The following DNAH5 variants were observed in gnomAD, a reference collection of about 807,000 sequenced individuals.
DNAH5 encodes axonemal beta dynein heavy chain 5.
A neutral mutation model predicts 518.2 loss-of-function variants in DNAH5; 372 were observed. That is an observed-to-expected ratio of 0.72 (90% CI 0.66 to 0.78). The LOEUF (loss-of-function observed/expected upper bound fraction) is 0.78, where lower values mean the gene tolerates loss of function less well. Ranked by LOEUF, DNAH5 falls within the 30% of genes least tolerant of loss-of-function variation. The pLI is 0.00. For synonymous variants in DNAH5, 2,039 were observed against 2,025.9 expected (o/e 1.01, Z -0.17); for missense variants, 5,523 against 5,687.0 (o/e 0.97, Z 0.93).
intron 24 of DNAH5, among the ~76,000 whole-genome samples, chr5:13,869,904 G>A (rs559167411): frequency 2.0e-5 from 3 of 152,126 alleles, no homozygotes; most frequent in Admixed American, 2.0e-4. Context: ...TCCTTAGAAA[G>A]AGATGATGTT....
intron 47 of DNAH5, 65 bp downstream of exon 47, chr5:13,807,526 G>C: frequency 6.7e-7 from 1 of 1,493,644 alleles, no homozygotes; most frequent in Non-Finnish European, 9.3e-7. Context: ...CAGAATAGTA[G>C]AGATTTGAGC....
chr5:13,810,813 A>C (rs1170539868), intron 44 of DNAH5, among the ~76,000 whole-genome samples: 2 of 152,098 alleles, frequency 1.3e-5, no homozygotes, highest in Non-Finnish European at 2.9e-5. Context: ...CACCACAGTC[A>C]AGACTTGGAG....
At chr5:13,877,571 G>C (rs548356485) in intron 21 of DNAH5, among the ~76,000 whole-genome samples, 2 of 152,324 alleles carry the variant, frequency 1.3e-5, no homozygotes, top group East Asian at 3.9e-4. Context: ...CTGAGAGAAA[G>C]TCAGAGACCA....
Position 13,889,508 on chromosome 5 carries a change from G to A in DNAH5, c.2577+1468C>T, listed in dbSNP as rs189542475. 4.1e-3 allele frequency among the ~76,000 whole-genome samples: 608 copies of A among 147,774 alleles called. 3 individuals are homozygous for A. Among genetic ancestry groups the A allele is most frequent in the Non-Finnish European group, 4.8e-3 (329 of 68,002 alleles). ...CTTGGGAGGTGGTCCCTTGGCCGGC[G>A]TCTGGAAGCTTGGATTTTAGGAGGG... On this transcript the variant is annotated intron_variant, in intron 17 of 78. Coordinates refer to ENST00000265104, the MANE Select transcript of DNAH5 (RefSeq NM_001369.3).
At chr5:13,757,991 A>G (rs1043889829) in intron 61 of DNAH5, among the ~76,000 whole-genome samples, 1 of 152,072 alleles carries the variant, frequency 6.6e-6, no homozygotes, top group Non-Finnish European at 1.5e-5. Flanking sequence ...GAATCTAGCT[A>G]TTATTTACCA....
At chr5:13,847,604 T>C (rs1342161464) in intron 31 of DNAH5, among the ~76,000 whole-genome samples, 2 of 151,624 alleles carry the variant, frequency 1.3e-5, no homozygotes, top group African/African-American at 4.8e-5. Flanking sequence ...TGCCCCTGTA[T>C]TCCCAGCTAC....
chr5:13,750,922 T>C (rs902536597), intron 65 of DNAH5, among the ~76,000 whole-genome samples, 156 bp downstream of exon 65: 3 of 152,048 alleles, frequency 2.0e-5, no homozygotes, highest in African/African-American at 4.8e-5. Context: ...TAATTTCCTT[T>C]AGGAAAAAAA....
intron 47 of DNAH5, among the ~76,000 whole-genome samples, chr5:13,806,619 C>A (rs2126990300): frequency 6.6e-6 from 1 of 152,264 alleles, no homozygotes; most frequent in South Asian, 2.1e-4. Context: ...TGACATGTAT[C>A]TTCTGGTGAT....
At chr5:13,892,294 T>C (rs1049243641) in intron 16 of DNAH5, among the ~76,000 whole-genome samples, 4 of 152,178 alleles carry the variant, frequency 2.6e-5, no homozygotes, top group African/African-American at 4.8e-5. Flanking sequence ...CTGAAAAAAA[T>C]AGTCCCCAAG....
intron 71 of DNAH5, 119 bp downstream of exon 71, chr5:13,720,881 G>T: frequency 2.9e-6 from 4 of 1,376,008 alleles, no homozygotes; most frequent in Admixed American, 2.1e-5. Context: ...ACGCTGTTTA[G>T]TAAACAGCAG....
chr5:13,927,178 T>G lies in DNAH5; in HGVS notation c.277+916A>C, dbSNP rs1037258848. Among the ~76,000 whole-genome samples, 4 of 152,310 alleles carry G rather than the reference T, an allele frequency of 2.6e-5. No homozygotes were observed. In the East Asian group the frequency reaches 5.8e-4, roughly 22 times the overall value. On this transcript the variant is annotated intron_variant, in intron 3 of 78. Transcript: ENST00000265104. ...ATCCACTTAAAAGTAGAATAGACTA[T>G]GCCAGTTGAATCTATAGAAAGATTT...
chr5:13,698,185 T>C (rs549673203), intron 78 of DNAH5, among the ~76,000 whole-genome samples: 1 of 152,302 alleles, frequency 6.6e-6, no homozygotes, highest in East Asian at 1.9e-4. Context: ...CCCTTGGACT[T>C]CCCAGCCTCC....
Position 13,790,140 on chromosome 5 carries a change from G to C in DNAH5, c.8449-1226C>G, listed in dbSNP as rs566648421. The stretch of plus-strand genomic sequence containing the variant: ...TTCAAGCATTGTGGAATGCACTATG[G>C]TGATTCCTCAAAGAGCTAAAAGCAG... On this transcript the variant is annotated intron_variant, in intron 50 of 78. Transcript: ENST00000265104. 2.6e-5 allele frequency among the ~76,000 whole-genome samples: 4 copies of C among 152,312 alleles called. No individual in the cohort carries two copies. In the East Asian group the frequency reaches 7.7e-4, roughly 29 times the overall value.
intron 1 of DNAH5, among the ~76,000 whole-genome samples, chr5:13,935,937 C>A (rs571303729): frequency 6.6e-6 from 1 of 152,166 alleles, no homozygotes; most frequent in Non-Finnish European, 1.5e-5. Flanking sequence ...GAAAAAGCAC[C>A]AGTGAATAGG....
At chr5:13,705,031 A>G (rs1742595501) in intron 76 of DNAH5, among the ~76,000 whole-genome samples, 1 of 151,262 alleles carries the variant, frequency 6.6e-6, no homozygotes, top group African/African-American at 2.4e-5. Context: ...TCGCTCTGTC[A>G]CCCAGGCTGG....
intron 5 of DNAH5, among the ~76,000 whole-genome samples, chr5:13,921,787 C>T (rs1455203053): frequency 7.0e-6 from 1 of 143,274 alleles, no homozygotes; most frequent in Non-Finnish European, 1.5e-5. Flanking sequence ...TTCCAAATTC[C>T]TTTCATTCTA....
At chr5:13,800,205 T>C (rs1758533905) in intron 47 of DNAH5, among the ~76,000 whole-genome samples, 2 of 152,174 alleles carry the variant, frequency 1.3e-5, no homozygotes, top group Non-Finnish European at 2.9e-5. Flanking sequence ...AAGTTTTGGA[T>C]TTTGGAGCAA....
intron 1 of DNAH5, among the ~76,000 whole-genome samples, chr5:13,951,335 G>C (rs1219895506): frequency 2.8e-5 from 4 of 143,720 alleles, no homozygotes; most frequent in African/African-American, 1.0e-4. Flanking sequence ...TCCCACCTCA[G>C]CTCCCCAAAT....
intron 41 of DNAH5, 143 bp from the exon 42 acceptor site, chr5:13,817,837 G>A (rs1761656329): frequency 5.5e-6 from 4 of 724,004 alleles, no homozygotes. Context: ...ATGTCTTACT[G>A]CATTCTAAGT....
Sources: allele counts gnomAD v4.1 joint callset (sites outside exome capture counted in the v4.1 genomes callset), GRCh38; gene constraint gnomAD v4.1.1; transcripts MANE v1.5; gene names NCBI Gene and HGNC (gene_info 2026-07-23, HGNC 2026-07-21).